Variants in KAZN observed in about 807,000 individuals in gnomAD.
The protein encoded by KAZN is kazrin.
A neutral mutation model predicts 87.4 loss-of-function variants in KAZN; 40 were observed. The observed-to-expected ratio is 0.46, with a 90% CI of 0.36 to 0.60. The LOEUF is 0.60. Ranked by LOEUF, KAZN falls within the 20% of genes least tolerant of loss-of-function variation. The probability of loss-of-function intolerance (pLI) is 0.00; values close to 1 mark genes in which losing one functional copy is unlikely to be tolerated. For synonymous variants in KAZN, 466 were observed against 458.3 expected, an observed-to-expected ratio of 1.02 and a Z score of -0.22; for missense variants, 898 against 1,073.9, an observed-to-expected ratio of 0.84 and a Z score of 2.29.
At chr1:14,026,181 T>TTA (rs1641061555) in intron 1 of KAZN, among the ~76,000 whole-genome samples, 1 of 152,150 alleles carries the variant, frequency 6.6e-6, no homozygotes, top group African/African-American at 2.4e-5. Flanking sequence ...TATAAATTCC[T>TTA]TATATATATT....
intron 2 of KAZN, among the ~76,000 whole-genome samples, chr1:14,225,635 A>G (rs1647241604): frequency 1.3e-5 from 2 of 152,198 alleles, no homozygotes; most frequent in African/African-American, 2.4e-5. Flanking sequence ...ATTACAGGGT[A>G]TAGTAACTAA....
chr1:14,532,019 G>C (rs764128916), intron 2 of KAZN, among the ~76,000 whole-genome samples: 3 of 152,096 alleles, frequency 2.0e-5, no homozygotes. Flanking sequence ...CTGGTTTCAC[G>C]TGCTCTTTTT....
chr1:13,893,343 CCAGCCACCCTTCCGG>C (rs1638910495), exon 1 of KAZN: 1 of 228,592 alleles, frequency 4.4e-6, no homozygotes, highest in Non-Finnish European at 8.4e-6. Flanking sequence ...GGGGCAAGTT[CCAGCCACCCTTCCGG>C]GTCAAGAAGC....
intron 1 of KAZN, chr1:14,692,754 GA>G (rs1412077415): frequency 6.6e-6 from 1 of 152,248 alleles, no homozygotes. Context: ...CCAACATGGA[GA>G]AACCCTGTTT....
chr1:14,495,465 C>T (rs1669886581), intron 2 of KAZN, among the ~76,000 whole-genome samples: 2 of 152,182 alleles, frequency 1.3e-5, no homozygotes, highest in African/African-American at 4.8e-5. Context: ...TGGCTCACTC[C>T]ACACCCCCAG....
intron 8 of KAZN, among the ~76,000 whole-genome samples, chr1:15,090,900 A>G (rs1025170765): frequency 1.3e-5 from 2 of 152,114 alleles, no homozygotes; most frequent in African/African-American, 4.8e-5. Flanking sequence ...GGAGATGGGG[A>G]TGATGGATGA....
intron 1 of KAZN, among the ~76,000 whole-genome samples, chr1:13,910,419 A>T (rs1482179342): frequency 6.6e-6 from 1 of 151,836 alleles, no homozygotes; most frequent in Non-Finnish European, 1.5e-5. Context: ...GAGGCAGGAG[A>T]ATCGTCTGAA....
chr1:14,762,511 G>A (rs570655454), intron 1 of KAZN, among the ~76,000 whole-genome samples: 1 of 152,068 alleles, frequency 6.6e-6, no homozygotes, highest in African/African-American at 2.4e-5. Flanking sequence ...GGATCATGAG[G>A]TCAGGAAATC....
At chr1:15,070,037 G>A (rs1639437006) in intron 8 of KAZN, among the ~76,000 whole-genome samples, 1 of 152,242 alleles carries the variant, frequency 6.6e-6, no homozygotes, top group African/African-American at 2.4e-5. Flanking sequence ...AACAGACGTT[G>A]AGTAACTCAT....
At chr1:14,225,663 C>T (rs1240016936) in intron 2 of KAZN, among the ~76,000 whole-genome samples, 2 of 152,022 alleles carry the variant, frequency 1.3e-5, no homozygotes, top group Non-Finnish European at 2.9e-5. Context: ...TGTCCTGGTG[C>T]AGAAAACAGA....
intron 1 of KAZN, among the ~76,000 whole-genome samples, chr1:14,618,967 T>C (rs1451163775): frequency 6.6e-6 from 1 of 152,022 alleles, no homozygotes; most frequent in Non-Finnish European, 1.5e-5. Context: ...TTGGGCAGAA[T>C]TTGCTGCAGG....
At chr1:14,811,558 A>G (rs1340563709) in intron 1 of KAZN, among the ~76,000 whole-genome samples, 1 of 152,252 alleles carries the variant, frequency 6.6e-6, no homozygotes, top group Non-Finnish European at 1.5e-5. Flanking sequence ...TCAGTGCTTT[A>G]CAGTTCGCAA....
intron 2 of KAZN, among the ~76,000 whole-genome samples, chr1:14,335,245 C>A (rs1657166951): frequency 6.6e-6 from 1 of 151,470 alleles, no homozygotes; most frequent in South Asian, 2.1e-4. Flanking sequence ...CTCTGTCACC[C>A]AGGCTAGAAT....
At chr1:14,458,402 C>T (rs74543624) in intron 2 of KAZN, among the ~76,000 whole-genome samples, 70 of 152,248 alleles carry the variant, frequency 4.6e-4, no homozygotes, top group African/African-American at 1.4e-3. Context: ...TGAAAGTAAT[C>T]GCAGTTTTAT....
chr1:14,932,317 C>T (rs1557634209), intron 1 of KAZN, among the ~76,000 whole-genome samples: 2 of 149,320 alleles, frequency 1.3e-5, no homozygotes, highest in Admixed American at 6.7e-5. Context: ...GGTCAGACAT[C>T]CAGCTGGGTG....
intron 1 of KAZN, among the ~76,000 whole-genome samples, chr1:14,091,735 A>G (rs1309608909): frequency 3.9e-5 from 6 of 152,210 alleles, no homozygotes; most frequent in Non-Finnish European, 5.9e-5. Flanking sequence ...GGAAAAATGC[A>G]CATGGTCATG....
intron 1 of KAZN, among the ~76,000 whole-genome samples, chr1:14,811,453 A>T (rs574020451): frequency 6.6e-6 from 1 of 152,370 alleles, no homozygotes; most frequent in Non-Finnish European, 1.5e-5. Flanking sequence ...TGAATACGTT[A>T]AAACAATTAA....
At chr1:15,016,411 G>A (rs954422383) in intron 2 of KAZN, among the ~76,000 whole-genome samples, 1 of 152,060 alleles carries the variant, frequency 6.6e-6, no homozygotes, top group Admixed American at 6.5e-5. Flanking sequence ...TCAGCCTCCC[G>A]AGTAGCTGGG....
intron 1 of KAZN, among the ~76,000 whole-genome samples, chr1:14,074,513 T>C (rs1643370523): frequency 6.6e-6 from 1 of 152,180 alleles, no homozygotes; most frequent in Admixed American, 6.5e-5. Flanking sequence ...AGAAGAAGGC[T>C]TGGGGTCGTT....
Sources: allele counts gnomAD v4.1 joint callset (sites outside exome capture counted in the v4.1 genomes callset), GRCh38; gene constraint gnomAD v4.1.1; transcripts MANE v1.5; gene names NCBI Gene and HGNC (gene_info 2026-07-23, HGNC 2026-07-21).